ZNF704: variants seen among roughly 807,000 people sequenced by gnomAD.
The protein encoded by ZNF704 is glucocorticoid induced gene 1.
Under a neutral mutation model 44.7 loss-of-function variants are expected in ZNF704, and 10 were observed. The ratio of observed to expected loss-of-function variants is 0.22; its 90% confidence interval spans 0.14 to 0.38. The LOEUF is 0.38. ZNF704 is among the 10% of genes least tolerant of loss of function. ZNF704 has a pLI of 1.00. For missense variants in ZNF704, 390 were observed against 545.5 expected, an observed-to-expected ratio of 0.71 and a Z score of 2.84; for synonymous variants, 211 against 207.6, an observed-to-expected ratio of 1.02 and a Z score of -0.14.
chr8:80,646,671 G>A (rs1013008013), intron 7 of ZNF704, among the ~76,000 whole-genome samples: 16 of 152,092 alleles, frequency 1.1e-4, no homozygotes, highest in Middle Eastern at 3.4e-3. Flanking sequence ...GTATAGATAC[G>A]CAGCTTCCTC....
intron 4 of ZNF704, among the ~76,000 whole-genome samples, chr8:80,674,476 T>C (rs1394173449): frequency 6.6e-6 from 1 of 152,084 alleles, no homozygotes; most frequent in Non-Finnish European, 1.5e-5. Context: ...TTGAGTTAAA[T>C]CATAGTGGAG....
At chr8:80,780,023 C>T (rs1807490543) in intron 2 of ZNF704, among the ~76,000 whole-genome samples, 1 of 151,904 alleles carries the variant, frequency 6.6e-6, no homozygotes, top group African/African-American at 2.4e-5. Context: ...CTCAGATGGA[C>T]TTTGAAAGAT....
chr8:80,842,486 C>A (rs973103172), intron 1 of ZNF704, among the ~76,000 whole-genome samples: 3 of 152,022 alleles, frequency 2.0e-5, no homozygotes, highest in Non-Finnish European at 4.4e-5. Flanking sequence ...AGGGATCGCA[C>A]ACACAGAGAA....
the ZNF704 span, among the ~76,000 whole-genome samples, chr8:80,880,062 T>A: frequency 6.6e-6 from 1 of 152,220 alleles, no homozygotes; most frequent in African/African-American, 2.4e-5. Flanking sequence ...TCTCTGTCTG[T>A]CTCTTCTGTC....
intron 7 of ZNF704, chr8:80,645,302 A>G (rs950894625): frequency 9.4e-6 from 8 of 851,090 alleles, no homozygotes; most frequent in East Asian, 5.3e-5. Context: ...CTAGGAGCCA[A>G]CGTGGTCACA....
At chr8:80,819,452 A>G (rs1193182218) in intron 2 of ZNF704, among the ~76,000 whole-genome samples, 1 of 152,162 alleles carries the variant, frequency 6.6e-6, no homozygotes, top group African/African-American at 2.4e-5. Flanking sequence ...TAACATATAC[A>G]ATGGTCTAAT....
At chr8:80,818,928 T>G (rs902360610) in intron 2 of ZNF704, among the ~76,000 whole-genome samples, 2 of 152,114 alleles carry the variant, frequency 1.3e-5, no homozygotes, top group African/African-American at 4.8e-5. Context: ...TAAATGGAAA[T>G]AGAGTTTGAG....
intron 2 of ZNF704, among the ~76,000 whole-genome samples, chr8:80,798,076 A>G (rs1807837252): frequency 6.6e-6 from 1 of 151,990 alleles, no homozygotes; most frequent in African/African-American, 2.4e-5. Flanking sequence ...TAATTTTTAA[A>G]ATTTTTAATT....
At chr8:80,857,344 G>A (rs1300831467) in intron 1 of ZNF704, among the ~76,000 whole-genome samples, 1 of 152,110 alleles carries the variant, frequency 6.6e-6, no homozygotes, top group Non-Finnish European at 1.5e-5. Context: ...TTAAATGTGA[G>A]GTTAATTATA....
intron 5 of ZNF704, among the ~76,000 whole-genome samples, chr8:80,670,289 A>C (rs767479423): frequency 6.6e-6 from 1 of 152,214 alleles, no homozygotes; most frequent in Non-Finnish European, 1.5e-5. Context: ...CAGTAAGTGA[A>C]CTAATGAGGC....
chr8:80,729,784 T>G (rs1806545627), intron 2 of ZNF704, among the ~76,000 whole-genome samples: 1 of 152,148 alleles, frequency 6.6e-6, no homozygotes, highest in African/African-American at 2.4e-5. Flanking sequence ...AGATTCCAGT[T>G]GGAGACAGAA....
Position 80,749,670 on chromosome 8 carries a change from C to T in ZNF704, c.222-56563G>A, listed in dbSNP as rs574655712. 98 of 153,362 alleles carry T rather than the reference C, an allele frequency of 6.4e-4. 2 individuals are homozygous for T. Among genetic ancestry groups the T allele is most frequent in the Non-Finnish European group, 2.6e-4 (18 of 68,032 alleles). 9.5% of individuals were successfully genotyped at this position (153,362 alleles called of 1,614,324 possible). On this transcript the variant is annotated intron_variant, in intron 2 of 8. Transcript: ENST00000327835. Reference sequence around the variant, plus strand: ...GAGAAATTGAGTTGTCCTATGTGTGCCACTCATGACAGAAGCCCTTTTTTC... The same window carrying T: ...GAGAAATTGAGTTGTCCTATGTGTGTCACTCATGACAGAAGCCCTTTTTTC...
chr8:80,727,420 GGTTTTT>G (rs1166904489), intron 2 of ZNF704, among the ~76,000 whole-genome samples: 5 of 151,822 alleles, frequency 3.3e-5, no homozygotes, highest in Non-Finnish European at 7.4e-5. Context: ...TTCTGCAACT[GGTTTTT>G]GTTTTTGTTT....
intron 2 of ZNF704, among the ~76,000 whole-genome samples, chr8:80,706,284 A>G (rs73273038): frequency 0.17 from 26,381 of 152,146 alleles, 4,657 homozygotes; most frequent in African/African-American, 0.45. Context: ...GAGGGCAATT[A>G]GGAGAAAACA....
At chr8:80,686,093 T>C (rs750881342) in intron 4 of ZNF704, among the ~76,000 whole-genome samples, 3 of 152,226 alleles carry the variant, frequency 2.0e-5, no homozygotes, top group Admixed American at 6.5e-5. Context: ...GAAATGGAAA[T>C]GTTTTCGAAA....
chr8:80,726,232 C>T (rs943238978), intron 2 of ZNF704, among the ~76,000 whole-genome samples: 5 of 151,944 alleles, frequency 3.3e-5, no homozygotes, highest in Admixed American at 6.6e-5. Flanking sequence ...AATAAATTTG[C>T]AATTTTTTTC....
At chr8:80,676,569 T>G (rs1158159389) in intron 4 of ZNF704, among the ~76,000 whole-genome samples, 8 of 152,214 alleles carry the variant, frequency 5.3e-5, no homozygotes, top group African/African-American at 9.7e-5. Flanking sequence ...TTTCTAATTT[T>G]TCAATGAGGC....
chr8:80,702,169 C>G (rs534847690), intron 2 of ZNF704, among the ~76,000 whole-genome samples: 20 of 152,224 alleles, frequency 1.3e-4, no homozygotes, highest in Non-Finnish European at 2.5e-4. Context: ...CCCCGTCTAC[C>G]TGGAGTGAGG....
chr8:80,795,487 C>A (rs1184784319), intron 2 of ZNF704, among the ~76,000 whole-genome samples: 1 of 151,938 alleles, frequency 6.6e-6, no homozygotes, highest in Non-Finnish European at 1.5e-5. Flanking sequence ...AAACTATCAG[C>A]CAAATATATC....
Sources: allele counts gnomAD v4.1 joint callset (sites outside exome capture counted in the v4.1 genomes callset), GRCh38; gene constraint gnomAD v4.1.1; transcripts MANE v1.5; gene names NCBI Gene and HGNC (gene_info 2026-07-23, HGNC 2026-07-21).